The following FAM114A1 variants were observed in gnomAD, a reference collection of about 807,000 sequenced individuals.
FAM114A1 encodes family with sequence similarity 114 member A1, also known as protein NOXP20.
Under a neutral mutation model 64.3 loss-of-function variants are expected in FAM114A1, and 62 were observed. The ratio of observed to expected loss-of-function variants is 0.96; its 90% CI spans 0.79 to 1.19. The LOEUF is 1.19. FAM114A1 is among the 50% of genes most tolerant of loss of function. The probability of loss-of-function intolerance (pLI) is 0.00; values close to 1 mark genes in which losing one functional copy is unlikely to be tolerated. For missense variants in FAM114A1, 645 were observed against 676.3 expected (o/e 0.95, Z 0.51); for synonymous variants, 254 against 251.1 (o/e 1.01, Z -0.11).
chr4:38,905,651 C>G lies in FAM114A1; in HGVS notation c.550+16C>G, dbSNP rs775174600. 6.2e-7 allele frequency: 1 copy of G among 1,611,636 alleles called. No individual in the cohort carries two copies. The highest frequency in any genetic ancestry group is 8.5e-7 in the Non-Finnish European group (1 of 1,178,094). On this transcript the variant is annotated intron_variant, in intron 5 of 14. Transcript: ENST00000358869. Reference sequence around the variant, plus strand: ...GTCCCTGAAAGTGAGTGATGTGTCTCCTCTGGGTGTTCTTGGACTTTATTA... The same window carrying G: ...GTCCCTGAAAGTGAGTGATGTGTCTGCTCTGGGTGTTCTTGGACTTTATTA...
intron 2 of FAM114A1, among the ~76,000 whole-genome samples, chr4:38,873,812 G>A (rs999870648): frequency 6.6e-6 from 1 of 152,178 alleles, no homozygotes; most frequent in Non-Finnish European, 1.5e-5. Flanking sequence ...AGAGCACAGA[G>A]GTCCCTGGAT....
chr4:38,910,370 A>G (rs1718420840), intron 7 of FAM114A1, among the ~76,000 whole-genome samples: 1 of 152,246 alleles, frequency 6.6e-6, no homozygotes, highest in Non-Finnish European at 1.5e-5. Context: ...TCGCTCTCAC[A>G]AAGTGCAGCA....
At chr4:38,891,702 A>C in intron 3 of FAM114A1, 41 bp from the exon 4 acceptor site, 2 of 1,522,812 alleles carry the variant, frequency 1.3e-6, no homozygotes, top group Non-Finnish European at 1.8e-6. Context: ...ATTCAGAGAT[A>C]TACTGAATTT....
chr4:38,939,811 CAGAGA>C (rs1435359693), intron 13 of FAM114A1, among the ~76,000 whole-genome samples: 5 of 151,352 alleles, frequency 3.3e-5, no homozygotes, highest in African/African-American at 1.2e-4. Flanking sequence ...AACTCTTAGA[CAGAGA>C]AGACTATTGA....
chr4:38,882,040 C>T (rs1346058830), intron 3 of FAM114A1, among the ~76,000 whole-genome samples: 4 of 152,138 alleles, frequency 2.6e-5, no homozygotes, highest in African/African-American at 9.7e-5. Context: ...GGGCCGGGCG[C>T]GGTGGCTCAC....
intron 4 of FAM114A1, among the ~76,000 whole-genome samples, chr4:38,903,614 A>T (rs1717713514): frequency 2.0e-5 from 3 of 152,202 alleles, no homozygotes; most frequent in Non-Finnish European, 2.9e-5. Flanking sequence ...TAAAAGAGTA[A>T]GATATTCTAT....
rs546863878 is a variant in FAM114A1, at chr4:38,895,935, C to T, written c.436+4105C>T. Among the ~76,000 whole-genome samples the T allele has an allele frequency of 7.9e-5, 12 of 152,190 alleles. No individual in the cohort carries two copies. The East Asian group carries it at 2.1e-3, about 27-fold the overall frequency. On this transcript the variant is annotated intron_variant, in intron 4 of 14. Transcript: ENST00000358869. ...GACCACTGTCATAGATGTGGCCCGT[C>T]GTTGACCGTAAGTTTGTCATGTGGT... is the stretch of plus-strand genomic sequence containing the variant.
At chr4:38,872,157 C>A (rs908419993) in intron 2 of FAM114A1, among the ~76,000 whole-genome samples, 12 of 152,308 alleles carry the variant, frequency 7.9e-5, no homozygotes, top group Admixed American at 7.2e-4. Flanking sequence ...GGTAGATGAA[C>A]CCTCTAAAAA....
intron 12 of FAM114A1, among the ~76,000 whole-genome samples, chr4:38,933,001 G>A (rs563177888): frequency 8.6e-5 from 13 of 151,828 alleles, no homozygotes; most frequent in Admixed American, 5.9e-4. Flanking sequence ...TTACAGGTGC[G>A]CACCACCACA....
intron 8 of FAM114A1, among the ~76,000 whole-genome samples, chr4:38,919,597 G>A (rs1353588434): frequency 6.6e-6 from 1 of 152,174 alleles, no homozygotes; most frequent in Non-Finnish European, 1.5e-5. Flanking sequence ...CTTGGGCCTG[G>A]GGACTCCCCT....
At chr4:38,883,945 C>G (rs1320532296) in intron 3 of FAM114A1, among the ~76,000 whole-genome samples, 1 of 152,092 alleles carries the variant, frequency 6.6e-6, no homozygotes, top group African/African-American at 2.4e-5. Flanking sequence ...ATGTGGGGAG[C>G]CTGTTAAAAA....
intron 3 of FAM114A1, among the ~76,000 whole-genome samples, chr4:38,882,298 G>A (rs1437281667): frequency 1.1e-4 from 11 of 101,140 alleles, no homozygotes; most frequent in Admixed American, 2.7e-4. Flanking sequence ...CGGCCTGGGC[G>A]ACAGAGCGAG....
chr4:38,937,838 G>C (rs1721240080), intron 13 of FAM114A1, among the ~76,000 whole-genome samples: 1 of 152,066 alleles, frequency 6.6e-6, no homozygotes, highest in Non-Finnish European at 1.5e-5. Context: ...AAGTTCAAGT[G>C]ATTCTCATGC....
chr4:38,878,466 T>A, intron 3 of FAM114A1, 40 bp downstream of exon 3: 1 of 1,526,842 alleles, frequency 6.5e-7, no homozygotes, highest in Non-Finnish European at 8.8e-7. Flanking sequence ...CCTAAGTTCT[T>A]GCTTATATCT....
At chr4:38,941,152 G>T in intron 14 of FAM114A1, 131 bp downstream of exon 14, 1 of 767,272 alleles carries the variant, frequency 1.3e-6, no homozygotes. Flanking sequence ...GGTCTTTTTT[G>T]AGTAAATTTG....
chr4:38,908,585 T>C lies in FAM114A1; in HGVS notation c.658-7T>C. 1 of 1,605,394 alleles carries C rather than the reference T, an allele frequency of 6.2e-7. No individual in the cohort carries two copies. On this transcript the variant is annotated splice_polypyrimidine_tract_variant and splice_region_variant and intron_variant, in intron 6 of 14. Coordinates refer to ENST00000358869, the MANE Select transcript of FAM114A1 (RefSeq NM_138389.4). ...CATCTAATCTCATGCAGTTATCTCA[T>C]CTGCAGGGTAAAAGTGTCTTAACTG...
At chr4:38,896,089 C>T (rs1716911089) in intron 4 of FAM114A1, among the ~76,000 whole-genome samples, 1 of 152,064 alleles carries the variant, frequency 6.6e-6, no homozygotes, top group African/African-American at 2.4e-5. Context: ...GCAAGGAAAT[C>T]TTGGCATTTT....
At chr4:38,875,109 ATGTCTCCAGCTT>A (rs1462233984) in intron 2 of FAM114A1, among the ~76,000 whole-genome samples, 3 of 152,132 alleles carry the variant, frequency 2.0e-5, no homozygotes, top group Admixed American at 1.3e-4. Context: ...GGGTAGTGTG[ATGTCTCCAGCTT>A]TGTTCTTTTT....
At position 38,915,000 on chromosome 4, in the gene FAM114A1, T is replaced by G; in HGVS notation, c.872T>G (p.Met291Arg). The change falls in exon 8 of 15, where the codon ATG becomes AGG. Residue 291 changes from methionine (M) to arginine (R), a missense_variant. By Grantham distance (91) the Met-to-Arg change is moderately conservative. Transcript: ENST00000358869. ...LTMERTAHYGMLFDEYQGLSH... is the reference protein window; with the variant it reads ...LTMERTAHYGRLFDEYQGLSH... ...ATGGAGAGAACCGCGCACTACGGGA[T>G]GCTGTTTGATGAATATCAAGGCTTG... is the stretch of plus-strand genomic sequence containing the variant. The G allele has an allele frequency of 1.9e-6, 3 of 1,614,194 alleles. No homozygotes were observed. Among genetic ancestry groups the G allele is most frequent in the Non-Finnish European group, 2.5e-6 (3 of 1,180,034 alleles).
Sources: gnomAD v4.1 joint callset for allele counts (sites outside exome capture counted in the v4.1 genomes callset) on GRCh38, gnomAD v4.1.1 for gene constraint, MANE v1.5 for transcripts, NCBI Gene and HGNC (gene_info 2026-07-23, HGNC 2026-07-21) for gene names.